The following BEST3 variants were observed in gnomAD, a reference collection of about 807,000 sequenced individuals.
BEST3 encodes bestrophin-3.
BEST3 carries 50 observed loss-of-function variants against 47.1 expected under a neutral mutation model. The ratio of observed to expected loss-of-function variants is 1.06; its 90% CI spans 0.85 to 1.34. The LOEUF is 1.34. BEST3 is among the 40% of genes most tolerant of loss of function. The pLI is 0.00. For missense variants in BEST3, 765 were observed against 817.0 expected (o/e 0.94, Z 0.78); for synonymous variants, 282 against 298.8 (o/e 0.94, Z 0.58).
chr12:69,650,397 C>T (rs1212167110), downstream of BEST3, among the ~76,000 whole-genome samples: 3 of 152,122 alleles, frequency 2.0e-5, no homozygotes, highest in Non-Finnish European at 4.4e-5. Context: ...AACAAAAAAG[C>T]ATGCAAAAGT....
At chr12:69,657,132 G>A (rs1883552175) in intron 9 of BEST3, among the ~76,000 whole-genome samples, 1 of 152,094 alleles carries the variant, frequency 6.6e-6, no homozygotes, top group Non-Finnish European at 1.5e-5. Context: ...GTCTTACTCT[G>A]TCGCCCAGGC....
intron 4 of BEST3, chr12:69,689,133 C>T: frequency 2.0e-6 from 2 of 985,524 alleles, no homozygotes; most frequent in Non-Finnish European, 2.4e-6. Flanking sequence ...ATCTGCCAAA[C>T]ATTTTCCGCC....
chr12:69,656,062 T>C (rs938591110), intron 9 of BEST3, among the ~76,000 whole-genome samples: 8 of 152,216 alleles, frequency 5.3e-5, no homozygotes, highest in Non-Finnish European at 1.2e-4. Context: ...TACTCTTTAC[T>C]GTATTTAAAA....
In BEST3 at chr12:69,690,459, C is replaced by G. The variant is rs200664716; in HGVS notation, c.481+3215G>C. 1.1e-4 allele frequency among the ~76,000 whole-genome samples: 17 copies of G among 152,294 alleles called. No homozygotes were observed. The East Asian group carries it at 3.1e-3, about 28-fold the overall frequency. On this transcript the variant is annotated intron_variant, in intron 4 of 9. Coordinates refer to ENST00000330891, the MANE Select transcript of BEST3 (RefSeq NM_032735.3). ...CCCTATATCTACTTGCCCCTCAGAC[C>G]TGAGCACAGCTCAGTCCTCGGAGCT...
Position 69,655,241 on chromosome 12 carries a change from G to A in BEST3, c.1673C>T (p.Pro558Leu). The A allele has an allele frequency of 1.9e-6, 3 of 1,614,146 alleles. No individual in the cohort carries two copies. In the Middle Eastern group the frequency reaches 5.0e-4, roughly 266 times the overall value. ...TGTCTGGGGACTGGGGCCTCCAGGA[G>A]GTGTCTCCTTCTCTGAGGGAGACAG... ...SILSPSEKET[P>L]PGGPSPQTVS... The change falls in exon 10 of 10, where the codon CCT (proline) becomes CTT (leucine). Residue 558 changes from proline (P) to leucine (L), a missense_variant. Transcript: ENST00000330891.
chr12:69,678,305 T>C (rs563809800), intron 5 of BEST3, among the ~76,000 whole-genome samples: 35 of 152,248 alleles, frequency 2.3e-4, no homozygotes, highest in Non-Finnish European at 4.4e-4. Context: ...TACTAGAGTA[T>C]CTGAAAGGCT....
At position 69,674,370 on chromosome 12, in the gene BEST3, G is replaced by C. The variant is rs181279616; in HGVS notation, c.868-1405C>G. Among the ~76,000 whole-genome samples the C allele has an allele frequency of 9.4e-4, 143 of 152,244 alleles. 1 individual carries two copies. Among genetic ancestry groups the C allele is most frequent in the African/African-American group, 2.7e-3 (111 of 41,536 alleles). ...CCTGGGTCCCTCCCCGAGAGATTCTGATTTAAGCAGTGTGAGGTTGAGGCC... is the reference window on the plus strand; with the variant it reads ...CCTGGGTCCCTCCCCGAGAGATTCTCATTTAAGCAGTGTGAGGTTGAGGCC... On this transcript the variant is annotated intron_variant, in intron 7 of 9. Transcript: ENST00000330891.
intron 4 of BEST3, among the ~76,000 whole-genome samples, chr12:69,689,662 G>C (rs1487253261): frequency 6.6e-6 from 1 of 152,098 alleles, no homozygotes; most frequent in African/African-American, 2.4e-5. Context: ...CAGGACCCTT[G>C]GAAAGGCTTT....
chr12:69,661,961 C>T (rs1883900944), intron 9 of BEST3, among the ~76,000 whole-genome samples: 1 of 152,108 alleles, frequency 6.6e-6, no homozygotes, highest in Non-Finnish European at 1.5e-5. Context: ...TGCTGGCTGA[C>T]ACAAAAAGAA....
chr12:69,683,418 A>G (rs1461105257), intron 4 of BEST3: 2 of 152,252 alleles, frequency 1.3e-5, no homozygotes, highest in African/African-American at 4.8e-5. Context: ...TGGGTCCCCA[A>G]AATCACTAAG....
intron 9 of BEST3, among the ~76,000 whole-genome samples, chr12:69,667,832 C>T (rs979676732): frequency 6.6e-6 from 1 of 151,988 alleles, no homozygotes; most frequent in African/African-American, 2.4e-5. Flanking sequence ...ATAGAACCTA[C>T]CTCATAGTAG....
At chr12:69,669,411 C>T (rs1024092666) in intron 9 of BEST3, among the ~76,000 whole-genome samples, 5 of 152,230 alleles carry the variant, frequency 3.3e-5, no homozygotes, top group African/African-American at 9.6e-5. Context: ...GTCTGTTCCT[C>T]TCTCCATCCT....
In BEST3 at chr12:69,655,046, G is replaced by A. The variant is rs1481327336; in HGVS notation, c.1868C>T (p.Thr623Ile). 1 of 1,614,200 alleles carries A rather than the reference G, an allele frequency of 6.2e-7. No homozygotes were observed. The highest frequency in any genetic ancestry group is 1.7e-5 in the Admixed American group (1 of 60,022). ...GTTGATCCCACTGATCTCTGAGGATGTTTCTGTGTCAATTAAAAGAGCTGG... is the reference window on the plus strand; with the variant it reads ...GTTGATCCCACTGATCTCTGAGGATATTTCTGTGTCAATTAAAAGAGCTGG... The part of the protein sequence containing the change: ...SQPALLIDTE[T>I]SSEISGINIV... Residue 623 changes from threonine (T) to isoleucine (I), a missense_variant, in exon 10 of 10, where the codon ACA (threonine) becomes ATA (isoleucine). Thr to Ile is a moderately conservative substitution (Grantham distance 89). Transcript: ENST00000330891.
intron 9 of BEST3, among the ~76,000 whole-genome samples, chr12:69,668,223 CA>C (rs2135950979): frequency 1.3e-5 from 2 of 152,208 alleles, no homozygotes; most frequent in East Asian, 3.9e-4. Context: ...ATTGTGGCTA[CA>C]AACCCAAAAC....
In BEST3 at chr12:69,676,738, C is replaced by T. The variant is rs74892745; in HGVS notation, c.867+178G>A. ...CTTTGCACAAATGAGCTGTTTCTATCCCTGTCACTTGAATCTCTGAATCTC... is the reference window on the plus strand; with the variant it reads ...CTTTGCACAAATGAGCTGTTTCTATTCCTGTCACTTGAATCTCTGAATCTC... On this transcript the variant is annotated intron_variant, in intron 7 of 9. Transcript: ENST00000330891. Among the ~76,000 whole-genome samples the T allele has an allele frequency of 6.6e-5, 10 of 152,332 alleles. No individual in the cohort carries two copies. The East Asian group carries it at 1.9e-3, about 29-fold the overall frequency.
chr12:69,663,459 G>T (rs1428475932), intron 9 of BEST3, among the ~76,000 whole-genome samples: 1 of 152,140 alleles, frequency 6.6e-6, no homozygotes, highest in Non-Finnish European at 1.5e-5. Flanking sequence ...TGTTCTTTTG[G>T]CTACTTGTGG....
chr12:69,669,069 C>T (rs1392952413), intron 9 of BEST3, among the ~76,000 whole-genome samples: 1 of 152,136 alleles, frequency 6.6e-6, no homozygotes, highest in Non-Finnish European at 1.5e-5. Context: ...AGGCTCGTCT[C>T]TGGATGTGAA....
At chr12:69,676,815 G>C (rs968015071) in intron 7 of BEST3, 101 bp downstream of exon 7, 1 of 1,260,596 alleles carries the variant, frequency 7.9e-7, no homozygotes, top group East Asian at 2.3e-5. Context: ...ATCTACCTTT[G>C]ACTCACTCAT....
intron 9 of BEST3, among the ~76,000 whole-genome samples, chr12:69,656,369 A>ATCTATCTG (rs1555202909): frequency 6.7e-6 from 1 of 149,996 alleles, no homozygotes; most frequent in Non-Finnish European, 1.5e-5. Context: ...CTATGAATCT[A>ATCTATCTG]TCTGTCTGTC....
Sources: allele counts gnomAD v4.1 joint callset (sites outside exome capture counted in the v4.1 genomes callset), GRCh38; gene constraint gnomAD v4.1.1; transcripts MANE v1.5; gene names NCBI Gene and HGNC (gene_info 2026-07-23, HGNC 2026-07-21).